UNC13B: variants seen among roughly 807,000 people sequenced by gnomAD.
UNC13B encodes unc-13 homolog B.
UNC13B carries 144 observed loss-of-function variants against 211.0 expected under a neutral mutation model. That is an observed-to-expected ratio of 0.68 (90% CI 0.60 to 0.78). The LOEUF (loss-of-function observed/expected upper bound fraction) is 0.78, where lower values mean the gene tolerates loss of function less well. Ranked by LOEUF, UNC13B falls within the 30% of genes least tolerant of loss-of-function variation. The pLI is 0.00. For synonymous variants in UNC13B, 709 were observed against 725.8 expected (o/e 0.98, Z 0.37); for missense variants, 1,777 against 2,002.0 (o/e 0.89, Z 2.14).
chr9:35,360,361 C>T (rs1368762346), intron 11 of UNC13B, among the ~76,000 whole-genome samples: 2 of 152,226 alleles, frequency 1.3e-5, no homozygotes, highest in African/African-American at 2.4e-5. Flanking sequence ...TCTTGCTTAA[C>T]CTCTCTGATC....
intron 13 of UNC13B, among the ~76,000 whole-genome samples, chr9:35,372,319 C>A (rs1293398522): frequency 6.6e-6 from 1 of 152,220 alleles, no homozygotes; most frequent in Non-Finnish European, 1.5e-5. Flanking sequence ...ATCACTTGGG[C>A]CCTTCCCAGC....
At chr9:35,360,207 CA>C (rs1188270906) in intron 11 of UNC13B, among the ~76,000 whole-genome samples, 3 of 152,220 alleles carry the variant, frequency 2.0e-5, no homozygotes, top group African/African-American at 7.2e-5. Context: ...CCTCCATCAT[CA>C]GGGGGCATTA....
At chr9:35,318,875 C>T (rs1225331888) in intron 11 of UNC13B, among the ~76,000 whole-genome samples, 1 of 152,144 alleles carries the variant, frequency 6.6e-6, no homozygotes, top group Non-Finnish European at 1.5e-5. Flanking sequence ...TGCTCGTATT[C>T]CACATCAAGG....
intron 7 of UNC13B, among the ~76,000 whole-genome samples, chr9:35,291,436 G>T (rs1829094082): frequency 6.6e-6 from 1 of 152,212 alleles, no homozygotes; most frequent in Non-Finnish European, 1.5e-5. Context: ...TGGCTAAGGA[G>T]TGCAGTGACC....
In UNC13B at chr9:35,400,435, C is replaced by T. The variant is rs1159129333; in HGVS notation, c.12476C>T (p.Thr4159Ile). ...TLIKTFVRSQ[T>I]TQGSGVDDPV... ...ATCAAGACCTTTGTGCGCTCGCAGA[C>T]CACCCAAGGTAAGGCCCTGAGGGCT... Residue 4159 changes from threonine to isoleucine, a missense_variant, in exon 37 of 40, where the codon ACC (threonine) becomes ATC (isoleucine). By Grantham distance (89) the Thr-to-Ile change is moderately conservative. Transcript: ENST00000635942. 6.2e-7 allele frequency: 1 copy of T among 1,613,320 alleles called. No homozygotes were observed.
chr9:35,247,517 A>T (rs1243341383), intron 6 of UNC13B, among the ~76,000 whole-genome samples: 2 of 152,130 alleles, frequency 1.3e-5, no homozygotes, highest in African/African-American at 4.8e-5. Flanking sequence ...TATTATTTTG[A>T]GATACGTCCC....
chr9:35,190,894 A>G (rs62543165), intron 1 of UNC13B, among the ~76,000 whole-genome samples: 27,943 of 152,162 alleles, frequency 0.18, 2,898 homozygotes, highest in Non-Finnish European at 0.24. Flanking sequence ...ACAAAAAGTA[A>G]CCTCACAGGT....
chr9:35,234,173 T>G (rs1041162084), intron 3 of UNC13B, among the ~76,000 whole-genome samples: 1 of 152,186 alleles, frequency 6.6e-6, no homozygotes, highest in Non-Finnish European at 1.5e-5. Flanking sequence ...TGGAGTGCAG[T>G]GGCAGCATCT....
intron 1 of UNC13B, among the ~76,000 whole-genome samples, chr9:35,220,519 C>G (rs1418330968): frequency 6.6e-6 from 1 of 151,998 alleles, no homozygotes; most frequent in Non-Finnish European, 1.5e-5. Context: ...CACAAATAAG[C>G]GAGAGCATGT....
intron 37 of UNC13B, among the ~76,000 whole-genome samples, chr9:35,402,531 C>T (rs538234057): frequency 6.6e-6 from 1 of 152,226 alleles, no homozygotes; most frequent in African/African-American, 2.4e-5. Context: ...ATCCCCCCAC[C>T]TCAGCCTCCC....
intron 2 of UNC13B, among the ~76,000 whole-genome samples, chr9:35,229,150 A>G (rs1231586418): frequency 6.6e-6 from 1 of 152,156 alleles, no homozygotes; most frequent in African/African-American, 2.4e-5. Context: ...CCTTATTTTA[A>G]TGTGCATTTC....
intron 7 of UNC13B, among the ~76,000 whole-genome samples, chr9:35,265,512 A>G (rs2131653631): frequency 6.6e-6 from 1 of 152,368 alleles, no homozygotes; most frequent in South Asian, 2.1e-4. Flanking sequence ...TGGCAGCCTG[A>G]GCAGATGTAT....
At position 35,302,431 on chromosome 9, in the gene UNC13B, T is replaced by G. The variant is rs1829730834; in HGVS notation, c.3027T>G (p.Ala1009=). ...TTAGTTCAATAAAATCTGGTTCAGCTCCAAATACTCAGGATAATCTAGGGA... is the reference window on the plus strand; with the variant it reads ...TTAGTTCAATAAAATCTGGTTCAGCGCCAAATACTCAGGATAATCTAGGGA... ...AKLSSIKSGS[A]PNTQDNLGKF... The change falls in exon 9 of 40, where the codon GCT becomes GCG. Residue 1009 remains alanine, a synonymous_variant. Coordinates refer to ENST00000635942, the MANE Select transcript of UNC13B (RefSeq NM_001371189.2). The G allele has an allele frequency of 2.5e-6, 1 of 398,684 alleles. No individual in the cohort carries two copies. The allele number at this position is 398,684 out of a possible 1,614,324, so 24.7% of individuals were successfully genotyped here.
intron 21 of UNC13B, 55 bp downstream of exon 21, chr9:35,382,562 A>ATTT (rs199694785): frequency 2.8e-4 from 372 of 1,333,770 alleles, no homozygotes; most frequent in Admixed American, 6.0e-4. Context: ...ATAAAGTTTG[A>ATTT]TTTTTTTTTT....
chr9:35,356,383 T>G (rs1274643233), intron 11 of UNC13B, among the ~76,000 whole-genome samples: 1 of 152,194 alleles, frequency 6.6e-6, no homozygotes, highest in South Asian at 2.1e-4. Flanking sequence ...TCATCTTTTT[T>G]TTCTTGGTAT....
In UNC13B at chr9:35,305,596, C is replaced by T; in HGVS notation, c.6192C>T (p.Ile2064=). ...DSRLEESTRG[I]QGNDLTEKEV... ...GGTTAGAGGAATCAACTAGAGGGATCCAGGGTAATGATTTGACTGAAAAAG... is the reference window on the plus strand; with the variant it reads ...GGTTAGAGGAATCAACTAGAGGGATTCAGGGTAATGATTTGACTGAAAAAG... The change falls in exon 9 of 40, where the codon ATC becomes ATT. Residue 2064 remains isoleucine, a synonymous_variant. Coordinates refer to ENST00000635942, the MANE Select transcript of UNC13B (RefSeq NM_001371189.2). 1 of 398,862 alleles carries T rather than the reference C, an allele frequency of 2.5e-6. No individual in the cohort carries two copies. Among genetic ancestry groups the T allele is most frequent in the Non-Finnish European group, 4.4e-6 (1 of 225,986 alleles). The allele number at this position is 398,862 out of a possible 1,614,324, so 24.7% of individuals were successfully genotyped here. A position where few individuals can be genotyped will look rare whatever the true frequency, so the allele number is the denominator to read the frequency against.
intron 1 of UNC13B, among the ~76,000 whole-genome samples, chr9:35,171,519 C>T (rs1038497420): frequency 7.2e-5 from 11 of 152,182 alleles, no homozygotes; most frequent in African/African-American, 2.4e-4. Context: ...CTCCCGTCTC[C>T]GTCTCCTAAG....
chr9:35,204,287 G>A lies in UNC13B; in HGVS notation c.23-23728G>A, dbSNP rs143233415. Among the ~76,000 whole-genome samples the A allele has an allele frequency of 1.6e-4, 24 of 152,354 alleles. No homozygotes were observed. In the East Asian group the frequency reaches 4.2e-3, roughly 27 times the overall value. On this transcript the variant is annotated intron_variant, in intron 1 of 39. Coordinates refer to ENST00000635942, the MANE Select transcript of UNC13B (RefSeq NM_001371189.2). The stretch of plus-strand genomic sequence containing the variant: ...GGCTGAAGCCTAGTGCAGGGTTTGA[G>A]CCCTCATGGAGAACCTCTACTAGTG...
chr9:35,257,426 T>TAAATATTTATAA (rs1452132384), intron 6 of UNC13B, among the ~76,000 whole-genome samples: 15 of 144,516 alleles, frequency 1.0e-4, no homozygotes, highest in Admixed American at 1.4e-4. Context: ...ATAAAAAATA[T>TAAATATTTATAA]AAATATTAGC....
Sources: allele counts gnomAD v4.1 joint callset (sites outside exome capture counted in the v4.1 genomes callset), GRCh38; gene constraint gnomAD v4.1.1; transcripts MANE v1.5; gene names NCBI Gene and HGNC (gene_info 2026-07-23, HGNC 2026-07-21).